SIGLEC1: variants seen among roughly 807,000 people sequenced by gnomAD.
SIGLEC1 encodes sialic acid binding Ig like lectin 1, also known as sialoadhesin.
Under a neutral mutation model 148.0 loss-of-function variants are expected in SIGLEC1, and 132 were observed. The observed-to-expected ratio is 0.89, with a 90% CI of 0.77 to 1.03. The LOEUF (loss-of-function observed/expected upper bound fraction) is 1.03, where lower values mean the gene tolerates loss of function less well. SIGLEC1 is among the 50% of genes least tolerant of loss of function. The probability of loss-of-function intolerance (pLI) is 0.00; values close to 1 mark genes in which losing one functional copy is unlikely to be tolerated. For missense variants in SIGLEC1, 2,253 were observed against 2,271.4 expected (o/e 0.99, Z 0.16); for synonymous variants, 945 against 969.0 (o/e 0.98, Z 0.46).
Position 3,694,877 on chromosome 20 carries a change from C to T in SIGLEC1, c.2730G>A (p.Gln910=), listed in dbSNP as rs766461586. 1 of 1,613,246 alleles carries T rather than the reference C, an allele frequency of 6.2e-7. No homozygotes were observed. The highest frequency in any genetic ancestry group is 1.1e-5 in the South Asian group (1 of 91,080). The change falls in exon 12 of 22, where the codon CAG becomes CAA. Residue 910 remains glutamine, a synonymous_variant. Coordinates refer to ENST00000344754, the MANE Select transcript of SIGLEC1 (RefSeq NM_023068.4). ...GTACCTGGCAGCTCAGGACCACAGC[C>T]TGGCCCTCTTGGAGCTCAGGTGATG... The part of the protein sequence containing the change: ...VSPSPELQEG[Q]AVVLSCQVHT...
chr20:3,701,405 A>G lies in SIGLEC1; in HGVS notation c.1465T>C (p.Tyr489His). Reference protein sequence around the residue: ...RDLEETDSGEYKCSATNSLGN... With the variant: ...RDLEETDSGEHKCSATNSLGN... Reference sequence around the variant, plus strand: ...AGGGAGTTGGTGGCTGAGCACTTGTACTCCCCACTGTCAGTTTCCTCCAGG... The same window carrying G: ...AGGGAGTTGGTGGCTGAGCACTTGTGCTCCCCACTGTCAGTTTCCTCCAGG... Residue 489 changes from tyrosine to histidine, a missense_variant, in exon 7 of 22, where the codon TAC (tyrosine) becomes CAC (histidine). Coordinates refer to ENST00000344754, the MANE Select transcript of SIGLEC1 (RefSeq NM_023068.4). 6.2e-7 allele frequency: 1 copy of G among 1,613,830 alleles called. No homozygotes were observed. The highest frequency in any genetic ancestry group is 8.5e-7 in the Non-Finnish European group (1 of 1,179,962).
At position 3,694,711 on chromosome 20, in the gene SIGLEC1, C is replaced by G. The variant is rs1285931007; in HGVS notation, c.2896G>C (p.Gly966Arg). Residue 966 changes from glycine (G) to arginine (R), a missense_variant, in exon 12 of 22, where the codon GGC (glycine) becomes CGC (arginine). Gly to Arg is a moderately radical substitution (Grantham distance 125). Transcript: ENST00000344754. The part of the protein sequence containing the change: ...GAYHCQAQAP[G>R]SATTSLAAPI... ...GCAGCTAGGCTCGTGGTGGCTGAGC[C>G]TGGGGCCTGGGCTTGGCAATGATAG... 5 of 1,613,896 alleles carry G rather than the reference C, an allele frequency of 3.1e-6. No homozygotes were observed. The highest frequency in any genetic ancestry group is 3.4e-6 in the Non-Finnish European group (4 of 1,180,014).
In SIGLEC1 at chr20:3,689,888, G is replaced by T. The variant is rs746385685; in HGVS notation, c.4894+74C>A. 3.0e-6 allele frequency: 4 copies of T among 1,338,990 alleles called. No individual in the cohort carries two copies. The South Asian group carries it at 3.8e-5, about 13-fold the overall frequency. 82.9% of individuals were successfully genotyped at this position (1,338,990 alleles called of 1,614,324 possible). A position where few individuals can be genotyped will look rare whatever the true frequency, so the allele number is the denominator to read the frequency against. On this transcript the variant is annotated intron_variant, in intron 19 of 21. Coordinates refer to ENST00000344754, the MANE Select transcript of SIGLEC1 (RefSeq NM_023068.4). ...TCATGCTGCAGCAGGAGGGATACAGGGAAGGAAGCCTTTGGGCCTAAGAGC... is the reference window on the plus strand; with the variant it reads ...TCATGCTGCAGCAGGAGGGATACAGTGAAGGAAGCCTTTGGGCCTAAGAGC...
intron 5 of SIGLEC1, 25 bp downstream of exon 5, chr20:3,703,800 A>G: frequency 6.2e-7 from 1 of 1,613,048 alleles, no homozygotes; most frequent in Non-Finnish European, 8.5e-7. Flanking sequence ...TCTCTGGCCA[A>G]TACGCAACCT....
chr20:3,697,479 C>T, intron 9 of SIGLEC1, 137 bp from the exon 10 acceptor site: 1 of 1,090,814 alleles, frequency 9.2e-7, no homozygotes, highest in Non-Finnish European at 1.3e-6. Flanking sequence ...AGCTAGCTCA[C>T]AGGGCAGCCT....
In SIGLEC1 at chr20:3,708,438, G is replaced by GA. The variant is rs58231262; in HGVS notation, c.-109-1202dup. Among the ~76,000 whole-genome samples the GA allele has an allele frequency of 6.1e-4, 89 of 146,786 alleles. No homozygotes were observed. In the East Asian group the frequency reaches 8.7e-3, roughly 14 times the overall value. Reference sequence around the variant, plus strand: ...TTCTTAAGTATGAAATTAAAAGCACGAAAAAAAAAAATAGGTAAGTTGGAC... The same window carrying GA: ...TTCTTAAGTATGAAATTAAAAGCACGAAAAAAAAAAAATAGGTAAGTTGGAC... On this transcript the variant is annotated intron_variant, in intron 1 of 21. Coordinates refer to ENST00000344754, the MANE Select transcript of SIGLEC1 (RefSeq NM_023068.4).
rs78577789 is a variant in SIGLEC1 at position 3,699,574 on chromosome 20, C to T, written c.1529-115G>A. On this transcript the variant is annotated intron_variant, in intron 7 of 21. Coordinates refer to ENST00000344754, the MANE Select transcript of SIGLEC1 (RefSeq NM_023068.4). ...CCACACTACTGTAGGTAGCTCTGGG[C>T]TTTGTGGTGCATCAGGAGGGTTTGC... The T allele has an allele frequency of 1.8e-3, 2,324 of 1,316,542 alleles. 56 individuals are homozygous for T. In the East Asian group the frequency reaches 0.05, roughly 28 times the overall value. The allele number at this position is 1,316,542 out of a possible 1,614,324, so 81.6% of individuals were successfully genotyped here.
At position 3,691,560 on chromosome 20, in the gene SIGLEC1, C is replaced by T. The variant is rs1218504478; in HGVS notation, c.4371G>A (p.Glu1457=). The change falls in exon 18 of 22, where the codon GAG becomes GAA. Residue 1457 remains glutamate (E), a synonymous_variant. Coordinates refer to ENST00000344754, the MANE Select transcript of SIGLEC1 (RefSeq NM_023068.4). ...GGCAGCTGAGGTTCAGGGCAGCGCC[C>T]TCAGGCACGTCCAGGCCAGGCTCTG... ...VVAEPGLDVP[E]GAALNLSCRL... The T allele has an allele frequency of 6.2e-7, 1 of 1,612,864 alleles. No homozygotes were observed. The highest frequency in any genetic ancestry group is 8.5e-7 in the Non-Finnish European group (1 of 1,179,970).
intron 1 of SIGLEC1, among the ~76,000 whole-genome samples, chr20:3,709,630 G>A (rs1318924104): frequency 6.6e-5 from 10 of 152,166 alleles, no homozygotes; most frequent in African/African-American, 1.4e-4. Flanking sequence ...CAATGTTCAC[G>A]GCAGCACTAT....
intron 2 of SIGLEC1, 74 bp from the exon 3 acceptor site, chr20:3,706,780 GC>G: frequency 1.4e-6 from 2 of 1,450,202 alleles, no homozygotes; most frequent in East Asian, 2.5e-5. Flanking sequence ...CCTGCGACCT[GC>G]CCCAGAGAAG....
chr20:3,711,520 CT>C (rs1462322937), intron 1 of SIGLEC1, among the ~76,000 whole-genome samples: 4 of 149,584 alleles, frequency 2.7e-5, no homozygotes, highest in Admixed American at 6.6e-5. Context: ...GACACCAAGG[CT>C]TCTCCCCAAC....
Position 3,710,185 on chromosome 20 carries a change from C to G in SIGLEC1, c.-110+2285G>C, listed in dbSNP as rs1036898626. On this transcript the variant is annotated intron_variant, in intron 1 of 21. Coordinates refer to ENST00000344754, the MANE Select transcript of SIGLEC1 (RefSeq NM_023068.4). The surrounding 1 kb of genome is among the most constrained non-coding windows in gnomAD (Gnocchi z 4.6). ...AAACTCATGACCTCCCAGCTCCCAG[C>G]CCATCCGCCTCAGGGGCTGGGCTCA... Among the ~76,000 whole-genome samples, 1 of 152,150 alleles carries G rather than the reference C, an allele frequency of 6.6e-6. No individual in the cohort carries two copies. Among genetic ancestry groups the G allele is most frequent in the East Asian group, 1.9e-4 (1 of 5,184 alleles).
chr20:3,707,437 C>A lies in SIGLEC1; in HGVS notation c.-109-200G>T, dbSNP rs1164032770. On this transcript the variant is annotated intron_variant, in intron 1 of 21. Coordinates refer to ENST00000344754, the MANE Select transcript of SIGLEC1 (RefSeq NM_023068.4). ...TCCCTTGGCCCTATCCCAAGTTCTG[C>A]TTTCCCAGCCCCTCAAGGATACCAC... Among the ~76,000 whole-genome samples the A allele has an allele frequency of 4.2e-4, 64 of 152,200 alleles. 1 individual carries two copies. Among genetic ancestry groups the A allele is most frequent in the Admixed American group, 3.3e-3 (50 of 15,292 alleles).
chr20:3,701,639 G>A lies in SIGLEC1; in HGVS notation c.1231C>T (p.Pro411Ser). 6.4e-7 allele frequency: 1 copy of A among 1,556,492 alleles called. No individual in the cohort carries two copies. The highest frequency in any genetic ancestry group is 8.7e-7 in the Non-Finnish European group (1 of 1,147,584). ...GCTGTCAGGACTGGAGTGAGAGGCG[G>A]GTCTGTGTGGAGACGAGAGGTGGGC... Reference protein sequence around the residue: ...SGPVSVVVNHPPLTPVLTAFL... With the variant: ...SGPVSVVVNHSPLTPVLTAFL... Residue 411 changes from proline to serine, a missense_variant and splice_region_variant, in exon 7 of 22, where the codon CCG (proline) becomes TCG (serine). By Grantham distance (74) the Pro-to-Ser change is moderately conservative. Coordinates refer to ENST00000344754, the MANE Select transcript of SIGLEC1 (RefSeq NM_023068.4).
In SIGLEC1 at chr20:3,701,506, G is replaced by A. The variant is rs530547961; in HGVS notation, c.1364C>T (p.Thr455Ile). The A allele has an allele frequency of 6.2e-7, 1 of 1,614,070 alleles. No homozygotes were observed. The highest frequency in any genetic ancestry group is 8.5e-7 in the Non-Finnish European group (1 of 1,180,038). ...TGGGCTGTGATCACTGTCCCCGGAG[G>A]TGGAGGCCAGGATATGACCCCCATG... ...LSHGGHILAS[T>I]SGDSDHSPRF... The change falls in exon 7 of 22, where the codon ACC becomes ATC. Residue 455 changes from threonine to isoleucine, a missense_variant. Transcript: ENST00000344754.
chr20:3,704,658 C>T lies in SIGLEC1; in HGVS notation c.707-567G>A, dbSNP rs146930351. ...TAGAAAGAGGATCTGGCTCAGTCAG[C>T]CAAGCTGGAGTGCAGAGGCACAATC... On this transcript the variant is annotated intron_variant, in intron 4 of 21. Transcript: ENST00000344754. Among the ~76,000 whole-genome samples the T allele has an allele frequency of 2.3e-4, 35 of 152,360 alleles. No homozygotes were observed. The East Asian group carries it at 5.6e-3, about 24-fold the overall frequency.
chr20:3,709,548 A>G (rs1232409205), intron 1 of SIGLEC1, among the ~76,000 whole-genome samples: 1 of 152,248 alleles, frequency 6.6e-6, no homozygotes, highest in Non-Finnish European at 1.5e-5. Context: ...TAGGATTACC[A>G]TATGATCCAG....
At position 3,690,041 on chromosome 20, in the gene SIGLEC1, G is replaced by A; in HGVS notation, c.4815C>T (p.Pro1605=). 6.2e-7 allele frequency: 1 copy of A among 1,612,710 alleles called. No individual in the cohort carries two copies. The highest frequency in any genetic ancestry group is 8.5e-7 in the Non-Finnish European group (1 of 1,179,646). ...AACAGATGTATTCCCCTTGGTCGCTGGGCCTCAGCGCCTCGATGTCCACCC... is the reference window on the plus strand; with the variant it reads ...AACAGATGTATTCCCCTTGGTCGCTAGGCCTCAGCGCCTCGATGTCCACCC... The part of the protein sequence containing the change: ...ALRVDIEALR[P]SDQGEYICSA... Residue 1605 remains proline, a synonymous_variant, in exon 19 of 22, where the codon CCC becomes CCT. Coordinates refer to ENST00000344754, the MANE Select transcript of SIGLEC1 (RefSeq NM_023068.4).
intron 6 of SIGLEC1, among the ~76,000 whole-genome samples, chr20:3,702,857 A>G (rs1325749292): frequency 6.6e-6 from 1 of 152,242 alleles, no homozygotes; most frequent in Non-Finnish European, 1.5e-5. Context: ...CCATACATTT[A>G]TATGTATGTA....
Sources: allele counts gnomAD v4.1 joint callset (sites outside exome capture counted in the v4.1 genomes callset), GRCh38; gene constraint gnomAD v4.1.1; non-coding constraint Gnocchi (gnomAD v3.1); transcripts MANE v1.5; gene names NCBI Gene and HGNC (gene_info 2026-07-23, HGNC 2026-07-21).